Variants in TRIM4 observed in about 807,000 individuals in gnomAD.
TRIM4 encodes the protein E3 ubiquitin-protein ligase TRIM4.
In TRIM4, 29 loss-of-function variants were observed where a neutral mutation model predicts 33.7. The ratio of observed to expected loss-of-function variants is 0.86; its 90% CI spans 0.64 to 1.17. TRIM4 has a LOEUF of 1.17. TRIM4 is among the 50% of genes most tolerant of loss of function. The probability of loss-of-function intolerance (pLI) is 0.00; values close to 1 mark genes in which losing one functional copy is unlikely to be tolerated. For synonymous variants in TRIM4, 224 were observed against 233.0 expected (o/e 0.96, Z 0.35); for missense variants, 554 against 593.7 (o/e 0.93, Z 0.69).
In TRIM4 at chr7:99,890,572, A is replaced by T. The variant is rs1010979922; in HGVS notation, c.*1591T>A. ...AGAATGAGATCATGTCTTTGCAGCA[A>T]CATGGATGGAGCTGGAGGCCATTAC... On this transcript the variant is annotated 3_prime_UTR_variant, in exon 6 of 6. Transcript: ENST00000349062. 1 of 152,220 alleles carries T rather than the reference A, an allele frequency of 6.6e-6. No homozygotes were observed. Among genetic ancestry groups the T allele is most frequent in the Non-Finnish European group, 1.5e-5 (1 of 68,046 alleles). 9.4% of individuals were successfully genotyped at this position (152,220 alleles called of 1,614,324 possible). A position where few individuals can be genotyped will look rare whatever the true frequency, so the allele number is the denominator to read the frequency against.
chr7:99,917,503 T>G (rs1394514071), intron 1 of TRIM4, among the ~76,000 whole-genome samples: 1 of 152,206 alleles, frequency 6.6e-6, no homozygotes, highest in Non-Finnish European at 1.5e-5. Flanking sequence ...GTGGATCACC[T>G]GAGGTCAGGA....
chr7:99,903,063 A>C (rs1819211928), intron 5 of TRIM4, among the ~76,000 whole-genome samples, 155 bp downstream of exon 5: 1 of 152,074 alleles, frequency 6.6e-6, no homozygotes, highest in Admixed American at 6.6e-5. Context: ...CGTTAAATAA[A>C]TGTTTCTTGA....
At chr7:99,914,804 TTC>T (rs547057308) in intron 1 of TRIM4, among the ~76,000 whole-genome samples, 221 of 152,156 alleles carry the variant, frequency 1.5e-3, no homozygotes, top group African/African-American at 5.1e-3. Context: ...TTTTCTTTTT[TTC>T]TTTTTTTCTT....
intron 5 of TRIM4, among the ~76,000 whole-genome samples, chr7:99,897,136 G>T (rs1819033846): frequency 6.6e-6 from 1 of 152,164 alleles, no homozygotes; most frequent in Admixed American, 6.5e-5. Flanking sequence ...CTAAGTCCTG[G>T]GACCCCGTGA....
intron 1 of TRIM4, among the ~76,000 whole-genome samples, chr7:99,913,066 T>C (rs990922396): frequency 6.6e-6 from 1 of 152,220 alleles, no homozygotes; most frequent in Non-Finnish European, 1.5e-5. Flanking sequence ...AGGACCAAGT[T>C]TTTGAAAGTT....
rs367662743 is a variant in TRIM4 at position 99,895,527 on chromosome 7, T to C, written c.842-2781A>G. 6.6e-5 allele frequency among the ~76,000 whole-genome samples: 10 copies of C among 152,338 alleles called. 1 individual carries two copies. The highest frequency in any genetic ancestry group is 2.2e-4 in the African/African-American group (9 of 41,564). ...AAAAAAATATGTAGTATATAGCTGTTGGGTAGAGTGTTCTATAAATAATGG... is the reference window on the plus strand; with the variant it reads ...AAAAAAATATGTAGTATATAGCTGTCGGGTAGAGTGTTCTATAAATAATGG... On this transcript the variant is annotated intron_variant, in intron 5 of 5. Coordinates refer to ENST00000349062, the MANE Select transcript of TRIM4 (RefSeq NM_033091.3).
At chr7:99,894,354 T>C (rs1818964403) in intron 5 of TRIM4, among the ~76,000 whole-genome samples, 1 of 152,146 alleles carries the variant, frequency 6.6e-6, no homozygotes, top group South Asian at 2.1e-4. Flanking sequence ...AAATGTTTGG[T>C]GAAATGTTTC....
chr7:99,895,858 A>C (rs1431124190), intron 5 of TRIM4, among the ~76,000 whole-genome samples: 2 of 152,108 alleles, frequency 1.3e-5, no homozygotes, highest in African/African-American at 4.8e-5. Flanking sequence ...CTCCAGATCT[A>C]TTAACATATC....
At chr7:99,893,250 G>A (rs1164968594) in intron 5 of TRIM4, among the ~76,000 whole-genome samples, 1 of 151,884 alleles carries the variant, frequency 6.6e-6, no homozygotes, top group Non-Finnish European at 1.5e-5. Context: ...CTGGGTGACA[G>A]AGCAAGATTC....
At chr7:99,902,542 C>A (rs756638722) in intron 5 of TRIM4, among the ~76,000 whole-genome samples, 1 of 152,210 alleles carries the variant, frequency 6.6e-6, no homozygotes, top group Admixed American at 6.5e-5. Flanking sequence ...CCTTCGTGCC[C>A]GGCCTACAAC....
chr7:99,906,883 A>G (rs1819319086), intron 3 of TRIM4, among the ~76,000 whole-genome samples: 1 of 152,168 alleles, frequency 6.6e-6, no homozygotes, highest in Admixed American at 6.5e-5. Context: ...TAAACAATAA[A>G]GAGCAGATAT....
Position 99,908,960 on chromosome 7 carries a change from C to G in TRIM4, c.490-148G>C, listed in dbSNP as rs563588351. On this transcript the variant is annotated intron_variant, in intron 2 of 5. Coordinates refer to ENST00000349062, the MANE Select transcript of TRIM4 (RefSeq NM_033091.3). ...ACCCCCACTAAAATTTCCATTACTCCTTTATTTATACCTACTTGATAGCTC... is the reference window on the plus strand; with the variant it reads ...ACCCCCACTAAAATTTCCATTACTCGTTTATTTATACCTACTTGATAGCTC... The G allele has an allele frequency of 3.4e-5, 22 of 651,654 alleles. No homozygotes were observed. In the South Asian group the frequency reaches 4.0e-4, roughly 12 times the overall value. The allele number at this position is 651,654 out of a possible 1,614,324, so 40.4% of individuals were successfully genotyped here. A position where few individuals can be genotyped will look rare whatever the true frequency, so the allele number is the denominator to read the frequency against.
chr7:99,892,730 A>G lies in TRIM4; in HGVS notation c.858T>C (p.Ala286=), dbSNP rs773826216. 120 of 1,612,702 alleles carry G rather than the reference A, an allele frequency of 7.4e-5. No homozygotes were observed. Among genetic ancestry groups the G allele is most frequent in the Non-Finnish European group, 9.5e-5 (112 of 1,179,648 alleles). ...LKRFQVAVNL[A]EDTAHPKLVF... ...CGAGTTTGGGATGAGCTGTGTCTTC[A>G]GCTAGGTTTACAGCCACTGTGGAGA... Residue 286 remains alanine, a synonymous_variant, in exon 6 of 6, where the codon GCT becomes GCC. Coordinates refer to ENST00000349062, the MANE Select transcript of TRIM4 (RefSeq NM_033091.3).
chr7:99,899,877 A>C (rs1371573041), intron 5 of TRIM4, among the ~76,000 whole-genome samples: 1 of 152,016 alleles, frequency 6.6e-6, no homozygotes, highest in Non-Finnish European at 1.5e-5. Flanking sequence ...TGCGGCCTCA[A>C]CCTCCTGGGC....
chr7:99,911,729 G>A (rs1819446725), intron 1 of TRIM4, among the ~76,000 whole-genome samples: 1 of 152,198 alleles, frequency 6.6e-6, no homozygotes, highest in Non-Finnish European at 1.5e-5. Context: ...CATTTTGGAA[G>A]AAGGTTCAGT....
intron 5 of TRIM4, 44 bp from the exon 6 acceptor site, chr7:99,892,790 A>C: frequency 6.7e-7 from 1 of 1,498,900 alleles, no homozygotes; most frequent in Non-Finnish European, 9.0e-7. Flanking sequence ...GCTTATCATC[A>C]ACCCTTCCCC....
At chr7:99,895,553 G>A (rs1818997818) in intron 5 of TRIM4, among the ~76,000 whole-genome samples, 1 of 152,102 alleles carries the variant, frequency 6.6e-6, no homozygotes. Flanking sequence ...TAAATAATGG[G>A]ATCAAGTTGA....
intron 5 of TRIM4, among the ~76,000 whole-genome samples, chr7:99,900,543 C>T (rs1819139220): frequency 6.6e-6 from 1 of 152,122 alleles, no homozygotes; most frequent in Non-Finnish European, 1.5e-5. Flanking sequence ...ATTTCTGGTG[C>T]TCTTTTATTC....
Position 99,919,179 on chromosome 7 carries a change from G to A in TRIM4, c.223C>T (p.Gln75Ter). Residue 75 changes from glutamine to a stop codon, truncating the protein, a stop_gained, in exon 1 of 6, where the codon CAG (glutamine) becomes TAG (stop). Transcript: ENST00000349062. LOFTEE classifies it high-confidence loss of function. Reference protein sequence around the residue: ...WALARLTEKTQRRRLGPVPPG... With the variant: ...WALARLTEKT ...GGCACGGGGCCCAGGCGCCGGCGCT[G>A]CGTCTTCTCAGTCAGCCTGGCCAGG... The A allele has an allele frequency of 6.8e-7, 1 of 1,475,484 alleles. No homozygotes were observed. The highest frequency in any genetic ancestry group is 1.5e-5 in the African/African-American group (1 of 67,650). 91.4% of individuals were successfully genotyped at this position (1,475,484 alleles called of 1,614,324 possible).
Sources: gnomAD v4.1 joint callset for allele counts (sites outside exome capture counted in the v4.1 genomes callset) on GRCh38, gnomAD v4.1.1 for gene constraint, MANE v1.5 for transcripts, NCBI Gene and HGNC (gene_info 2026-07-23, HGNC 2026-07-21) for gene names.